The following PCDHA4 variants were observed in gnomAD, a reference collection of about 807,000 sequenced individuals.
The protein encoded by PCDHA4 is protocadherin alpha 4, also known as protocadherin alpha-4.
PCDHA4 carries 49 observed loss-of-function variants against 61.4 expected under a neutral mutation model. That is an observed-to-expected ratio of 0.80 (90% CI 0.63 to 1.01). The LOEUF (loss-of-function observed/expected upper bound fraction) is 1.01. PCDHA4 is among the 50% of genes least tolerant of loss of function. PCDHA4 has a pLI of 0.00. For synonymous variants in PCDHA4, 590 were observed against 550.3 expected, an observed-to-expected ratio of 1.07 and a Z score of -1.01; for missense variants, 1,254 against 1,235.8, an observed-to-expected ratio of 1.01 and a Z score of -0.22.
At chr5:140,953,530 C>T (rs923959885) in intron 1 of PCDHA4, among the ~76,000 whole-genome samples, 3 of 152,158 alleles carry the variant, frequency 2.0e-5, no homozygotes, top group Admixed American at 6.5e-5. Context: ...ACGGGAAACT[C>T]ACTTCATGCT....
intron 1 of PCDHA4, among the ~76,000 whole-genome samples, chr5:140,958,381 T>G (rs1554223451): frequency 6.6e-6 from 1 of 152,280 alleles, no homozygotes; most frequent in South Asian, 2.1e-4. Context: ...GCTATTTTCT[T>G]AACAGGTCAT....
intron 1 of PCDHA4, chr5:140,822,214 C>T: frequency 6.2e-7 from 1 of 1,614,218 alleles, no homozygotes. Context: ...GTCAAGAATG[C>T]CAGATTCGCG....
At chr5:140,828,891 C>T (rs2150160213) in intron 1 of PCDHA4, 9 of 1,614,240 alleles carry the variant, frequency 5.6e-6, no homozygotes, top group Non-Finnish European at 7.6e-6. Context: ...CTGAATGCTT[C>T]TGATCGGGAT....
intron 1 of PCDHA4, chr5:140,828,525 C>A (rs2150156420): frequency 1.9e-6 from 3 of 1,614,244 alleles, no homozygotes; most frequent in East Asian, 4.5e-5. Context: ...ATTTACGAAT[C>A]TAGGCTGCCA....
rs1554181343 is a variant in PCDHA4, at chr5:140,884,223, A to G, written c.2385+74651A>G. ...CACCACCGCCTTCTGGTGCTGGTGAAGGACCACGGTGAGCCCGCGCTGACG... is the reference window on the plus strand; with the variant it reads ...CACCACCGCCTTCTGGTGCTGGTGAGGGACCACGGTGAGCCCGCGCTGACG... On this transcript the variant is annotated intron_variant, in intron 1 of 3. Coordinates refer to ENST00000530339, the MANE Select transcript of PCDHA4 (RefSeq NM_018907.4). 1.1e-5 allele frequency: 17 copies of G among 1,613,364 alleles called. No homozygotes were observed. The highest frequency in any genetic ancestry group is 1.7e-5 in the Admixed American group (1 of 59,998).
intron 1 of PCDHA4, chr5:140,871,301 CGGG>C: frequency 6.2e-7 from 1 of 1,613,916 alleles, no homozygotes; most frequent in East Asian, 2.2e-5. Context: ...GCGTGCGCGC[CGGG>C]GAAGCCCACG....
At position 140,917,079 on chromosome 5, in the gene PCDHA4, A is replaced by G. The variant is rs115825402; in HGVS notation, c.2386-61870A>G. Among the ~76,000 whole-genome samples the G allele has an allele frequency of 8.0e-3, 1,217 of 152,106 alleles. 6 individuals carry two copies. The highest frequency in any genetic ancestry group is 0.019 in the African/African-American group (785 of 41,476). On this transcript the variant is annotated intron_variant, in intron 1 of 3. Coordinates refer to ENST00000530339, the MANE Select transcript of PCDHA4 (RefSeq NM_018907.4). ...GCTACGACAGCACCGAGTTTAATGT[A>G]AAGTTCCCCAGTTGCTGTGCTTTAC... is the stretch of plus-strand genomic sequence containing the variant.
At chr5:140,969,235 A>G (rs781795606) in intron 1 of PCDHA4, 2 of 1,614,206 alleles carry the variant, frequency 1.2e-6, no homozygotes, top group Non-Finnish European at 1.7e-6. Flanking sequence ...CGGGAGCCCA[A>G]GCAGCAGTGA....
At chr5:140,900,673 A>T (rs936784929) in intron 1 of PCDHA4, among the ~76,000 whole-genome samples, 6 of 152,210 alleles carry the variant, frequency 3.9e-5, no homozygotes, top group African/African-American at 1.4e-4. Context: ...GAGTGCAGTT[A>T]TCTCTTCAAT....
chr5:140,954,297 C>G (rs1369831854), intron 1 of PCDHA4, among the ~76,000 whole-genome samples: 1 of 152,298 alleles, frequency 6.6e-6, no homozygotes, highest in African/African-American at 2.4e-5. Context: ...TGGGTACATA[C>G]CCAGTAATGG....
In PCDHA4 at chr5:140,870,432, G is replaced by A. The variant is rs368823990; in HGVS notation, c.2385+60860G>A. On this transcript the variant is annotated intron_variant, in intron 1 of 3. Transcript: ENST00000530339. ...GGGCCACGGCCAGGGTATCCGTGGAGGTGGCCGACGTGAACGACAATGCGC... is the reference window on the plus strand; with the variant it reads ...GGGCCACGGCCAGGGTATCCGTGGAAGTGGCCGACGTGAACGACAATGCGC... 721 of 1,614,252 alleles carry A rather than the reference G, an allele frequency of 4.5e-4. 4 individuals carry two copies. In the African/African-American group the frequency reaches 8.4e-3, roughly 19 times the overall value.
chr5:140,825,455 AT>A (rs1326484849), intron 1 of PCDHA4: 1 of 148,934 alleles, frequency 6.7e-6, no homozygotes, highest in East Asian at 1.9e-4. Flanking sequence ...TATATCAGAT[AT>A]TTTGATACAG....
intron 1 of PCDHA4, among the ~76,000 whole-genome samples, chr5:140,962,457 G>T (rs1563323233): frequency 6.6e-6 from 1 of 151,950 alleles, no homozygotes; most frequent in Non-Finnish European, 1.5e-5. Flanking sequence ...AATCTCTTAT[G>T]GCTTGAATCT....
intron 1 of PCDHA4, chr5:140,830,545 CAT>C: frequency 8.7e-7 from 1 of 1,153,858 alleles, no homozygotes; most frequent in Non-Finnish European, 1.2e-6. Context: ...TTGTTTTCCT[CAT>C]ATTTGTCTTC....
chr5:140,876,651 T>TC, intron 1 of PCDHA4: 1 of 1,614,178 alleles, frequency 6.2e-7, no homozygotes, highest in South Asian at 1.1e-5. Context: ...CACCTCATGT[T>TC]CCCTTCAAGC....
chr5:140,884,327 G>A (rs1400364790), intron 1 of PCDHA4: 1 of 1,613,894 alleles, frequency 6.2e-7, no homozygotes, highest in Non-Finnish European at 8.5e-7. Context: ...GGCAGGCGCT[G>A]TGGGTCCAGA....
intron 1 of PCDHA4, among the ~76,000 whole-genome samples, chr5:140,935,942 G>A (rs2090659965): frequency 6.8e-6 from 1 of 147,088 alleles, no homozygotes; most frequent in Non-Finnish European, 1.5e-5. Flanking sequence ...GCCCAGGCTG[G>A]AGTAAAGTGG....
intron 1 of PCDHA4, chr5:140,877,256 G>A (rs782364296): frequency 6.2e-7 from 1 of 1,613,628 alleles, no homozygotes; most frequent in African/African-American, 1.3e-5. Flanking sequence ...GCGAAAGTGC[G>A]CGCGGTGGAC....
chr5:140,849,298 A>T lies in PCDHA4; in HGVS notation c.2385+39726A>T, dbSNP rs1182153594. 25 of 1,269,106 alleles carry T rather than the reference A, an allele frequency of 2.0e-5. No individual in the cohort carries two copies. The highest frequency in any genetic ancestry group is 2.6e-5 in the Non-Finnish European group (24 of 927,200). 78.6% of individuals were successfully genotyped at this position (1,269,106 alleles called of 1,614,324 possible). On this transcript the variant is annotated intron_variant, in intron 1 of 3. Transcript: ENST00000530339. ...CTGGTGATTCACCCCAATGCCTCAG[A>T]TTTAGACGAAGGCTTGAATGGGGAT... is the stretch of plus-strand genomic sequence containing the variant.
Sources: allele counts gnomAD v4.1 joint callset (sites outside exome capture counted in the v4.1 genomes callset), GRCh38; gene constraint gnomAD v4.1.1; transcripts MANE v1.5; gene names NCBI Gene and HGNC (gene_info 2026-07-23, HGNC 2026-07-21).